TSPAN11: variants seen among roughly 807,000 people sequenced by gnomAD.
TSPAN11 encodes tetraspanin 11.
TSPAN11 carries 29 observed loss-of-function variants against 32.9 expected under a neutral mutation model. That is an observed-to-expected ratio of 0.88 (90% CI 0.66 to 1.20). The LOEUF (loss-of-function observed/expected upper bound fraction) is 1.20, where lower values mean the gene tolerates loss of function less well. Ranked by LOEUF, TSPAN11 falls within the 50% of genes most tolerant of loss-of-function variation. The pLI, the probability that TSPAN11 is intolerant of heterozygous loss-of-function variation, is 0.00. For synonymous variants in TSPAN11, 140 were observed against 141.3 expected, an observed-to-expected ratio of 0.99 and a Z score of 0.07; for missense variants, 283 against 329.1, an observed-to-expected ratio of 0.86 and a Z score of 1.08.
At chr12:30,998,263 T>C (rs1233910231), downstream of TSPAN11, among the ~76,000 whole-genome samples, 1 of 152,238 alleles carries the variant, frequency 6.6e-6, no homozygotes, top group Non-Finnish European at 1.5e-5. Flanking sequence ...GCAGGCAGCA[T>C]GATGCCATTG....
intron 2 of TSPAN11, among the ~76,000 whole-genome samples, chr12:30,955,801 G>T (rs962076575): frequency 9.9e-5 from 15 of 152,150 alleles, no homozygotes; most frequent in Non-Finnish European, 1.8e-4. Flanking sequence ...GTCTTCACAT[G>T]ATGTTTTCTT....
At chr12:30,976,114 C>T (rs190364197) in intron 3 of TSPAN11, among the ~76,000 whole-genome samples, 27 of 152,244 alleles carry the variant, frequency 1.8e-4, no homozygotes, top group Middle Eastern at 3.4e-3. Flanking sequence ...TAGCCATGCT[C>T]TGTCTGATGG....
chr12:30,978,099 GC>G (rs1468039667), intron 3 of TSPAN11, among the ~76,000 whole-genome samples: 1 of 152,112 alleles, frequency 6.6e-6, no homozygotes, highest in African/African-American at 2.4e-5. Context: ...CCTTCACTTA[GC>G]AAATGCCTAT....
chr12:30,968,103 C>G (rs1938775231), intron 3 of TSPAN11, among the ~76,000 whole-genome samples: 1 of 152,142 alleles, frequency 6.6e-6, no homozygotes, highest in South Asian at 2.1e-4. Context: ...TCATTTTGTC[C>G]CCTCCATGTT....
chr12:31,001,563 T>C (rs1372104488), downstream of TSPAN11, among the ~76,000 whole-genome samples: 3 of 152,276 alleles, frequency 2.0e-5, no homozygotes, highest in South Asian at 2.1e-4. Context: ...GTTACTTGAG[T>C]ATTCAGTAAG....
chr12:30,936,236 A>C (rs1463959524), intron 1 of TSPAN11, among the ~76,000 whole-genome samples: 1 of 150,534 alleles, frequency 6.6e-6, no homozygotes, highest in Non-Finnish European at 1.5e-5. Flanking sequence ...CCTCTTCAGT[A>C]CTCCTTCACA....
At chr12:30,964,473 G>A (rs779200671) in intron 3 of TSPAN11, among the ~76,000 whole-genome samples, 4 of 150,202 alleles carry the variant, frequency 2.7e-5, no homozygotes, top group Non-Finnish European at 4.4e-5. Context: ...TTTTTTTATG[G>A]CAATTTTCAA....
intron 7 of TSPAN11, among the ~76,000 whole-genome samples, chr12:30,984,062 A>T (rs1275495763): frequency 6.6e-6 from 1 of 152,180 alleles, no homozygotes; most frequent in Non-Finnish European, 1.5e-5. Flanking sequence ...GGTCCGAAGG[A>T]GGGGAGCCAG....
chr12:30,955,949 TG>T (rs1938469745), intron 2 of TSPAN11, among the ~76,000 whole-genome samples: 1 of 152,266 alleles, frequency 6.6e-6, no homozygotes, highest in African/African-American at 2.4e-5. Context: ...ACATATCTTT[TG>T]GGGGACCCAG....
At chr12:30,979,417 T>C (rs1939041152) in intron 4 of TSPAN11, 149 bp from the exon 5 acceptor site, 1 of 695,886 alleles carries the variant, frequency 1.4e-6, no homozygotes, top group Non-Finnish European at 2.5e-6. Flanking sequence ...TGGCTGATGG[T>C]CCCTTACGCT....
intron 1 of TSPAN11, among the ~76,000 whole-genome samples, chr12:30,942,717 C>T (rs1401112841): frequency 9.1e-6 from 1 of 109,756 alleles, no homozygotes; most frequent in Non-Finnish European, 1.8e-5. Flanking sequence ...TTGTTACTTG[C>T]AAATGAAGTT....
chr12:30,988,224 C>T (rs1020083115), intron 7 of TSPAN11, among the ~76,000 whole-genome samples: 2 of 152,224 alleles, frequency 1.3e-5, no homozygotes, highest in Non-Finnish European at 2.9e-5. Context: ...CAGACTCTTC[C>T]ACCTGGAAAG....
In TSPAN11 at chr12:30,980,552, C is replaced by T. The variant is rs146521128; in HGVS notation, c.456+882C>T. Among the ~76,000 whole-genome samples the T allele has an allele frequency of 5.9e-3, 896 of 152,114 alleles. 18 individuals are homozygous for T. In the East Asian group the frequency reaches 0.066, roughly 11 times the overall value. ...CCCTTTCTCTCTGCCACCCCACTCC[C>T]CACCCCCACCCCCTGGACCTGGCTT... On this transcript the variant is annotated intron_variant, in intron 5 of 7. Transcript: ENST00000546076.
At chr12:30,951,743 A>G (rs1938387314) in intron 1 of TSPAN11, among the ~76,000 whole-genome samples, 1 of 152,162 alleles carries the variant, frequency 6.6e-6, no homozygotes, top group Non-Finnish European at 1.5e-5. Flanking sequence ...TAGCTTTCAG[A>G]TCCAGTCATC....
chr12:30,929,232 G>A (rs1937866610), intron 1 of TSPAN11, among the ~76,000 whole-genome samples: 1 of 152,142 alleles, frequency 6.6e-6, no homozygotes, highest in Admixed American at 6.5e-5. Context: ...TCAACTCCAA[G>A]TAGAAATAAT....
At chr12:30,946,543 G>C (rs1938270374) in intron 1 of TSPAN11, among the ~76,000 whole-genome samples, 1 of 152,190 alleles carries the variant, frequency 6.6e-6, no homozygotes, top group Non-Finnish European at 1.5e-5. Flanking sequence ...AACTCCATCA[G>C]CCTGCTAAGT....
intron 1 of TSPAN11, among the ~76,000 whole-genome samples, chr12:30,929,945 G>A (rs747808782): frequency 7.9e-5 from 12 of 152,226 alleles, no homozygotes; most frequent in Non-Finnish European, 1.6e-4. Flanking sequence ...AGCCCCATAG[G>A]GGGAGCATTA....
chr12:31,015,999 T>C, the TSPAN11 span, among the ~76,000 whole-genome samples: 1 of 152,166 alleles, frequency 6.6e-6, no homozygotes, highest in Non-Finnish European at 1.5e-5. This position sits in a 1 kb window ranked among gnomAD's most constrained non-coding sequence, Gnocchi z 4.9. Flanking sequence ...GCCCACTTAG[T>C]TCCTACCTGC....
chr12:30,957,371 A>G (rs1005268745), intron 2 of TSPAN11, among the ~76,000 whole-genome samples: 1 of 151,992 alleles, frequency 6.6e-6, no homozygotes, highest in African/African-American at 2.4e-5. Flanking sequence ...AGCCTGGGAT[A>G]ACCCCTTCTA....
Sources: gnomAD v4.1 joint callset for allele counts (sites outside exome capture counted in the v4.1 genomes callset) on GRCh38, gnomAD v4.1.1 for gene constraint, Gnocchi (gnomAD v3.1) non-coding constraint, MANE v1.5 for transcripts, NCBI Gene and HGNC (gene_info 2026-07-23, HGNC 2026-07-21) for gene names.